Variants in MSH4 observed in about 807,000 individuals in gnomAD.
MSH4 encodes the protein mutS protein homolog 4.
MSH4 carries 106 observed loss-of-function variants against 113.7 expected under a neutral mutation model. The observed-to-expected ratio is 0.93, with a 90% CI of 0.80 to 1.10. The LOEUF is 1.10. MSH4 is among the 50% of genes least tolerant of loss of function. The pLI, the probability that MSH4 is intolerant of heterozygous loss-of-function variation, is 0.00. For missense variants in MSH4, 1,061 were observed against 1,093.7 expected (o/e 0.97, Z 0.42); for synonymous variants, 368 against 380.2 (o/e 0.97, Z 0.37).
chr1:75,805,549 A>G (rs2012536), intron 2 of MSH4, among the ~76,000 whole-genome samples: 123,405 of 149,768 alleles, frequency 0.82, 51,307 homozygotes, highest in South Asian at 0.94. Context: ...CACCATGCTC[A>G]GCCAATTTTT....
At chr1:75,818,752 G>A (rs1650344580) in intron 6 of MSH4, among the ~76,000 whole-genome samples, 1 of 151,536 alleles carries the variant, frequency 6.6e-6, no homozygotes, top group Non-Finnish European at 1.5e-5. Flanking sequence ...TGTATATTCC[G>A]TTTTTTTTGT....
chr1:75,820,000 G>C (rs761612275), intron 6 of MSH4, among the ~76,000 whole-genome samples: 1 of 152,000 alleles, frequency 6.6e-6, no homozygotes, highest in Admixed American at 6.6e-5. Context: ...ACAGGCATGC[G>C]CCACCTTGAC....
chr1:75,878,624 C>T (rs564952851), intron 11 of MSH4, among the ~76,000 whole-genome samples: 1 of 152,150 alleles, frequency 6.6e-6, no homozygotes, highest in African/African-American at 2.4e-5. Flanking sequence ...GGCAACATAG[C>T]TAGTCTTTTG....
intron 7 of MSH4, among the ~76,000 whole-genome samples, chr1:75,829,729 C>A (rs1414405999): frequency 6.6e-6 from 1 of 152,164 alleles, no homozygotes; most frequent in African/African-American, 2.4e-5. Context: ...AGGGTCCTGA[C>A]TGATAGAAGG....
intron 7 of MSH4, among the ~76,000 whole-genome samples, chr1:75,830,664 C>T (rs1424571340): frequency 6.6e-6 from 1 of 152,150 alleles, no homozygotes; most frequent in Non-Finnish European, 1.5e-5. Flanking sequence ...GAATTTTCAA[C>T]CCAGAATTTC....
intron 8 of MSH4, among the ~76,000 whole-genome samples, chr1:75,851,777 C>A (rs1223434677): frequency 6.6e-6 from 1 of 152,116 alleles, no homozygotes; most frequent in Non-Finnish European, 1.5e-5. Context: ...AGTATACCAT[C>A]ATTTCCCTCT....
chr1:75,841,404 C>G (rs1465599605), intron 7 of MSH4, among the ~76,000 whole-genome samples: 1 of 151,966 alleles, frequency 6.6e-6, no homozygotes, highest in Non-Finnish European at 1.5e-5. Flanking sequence ...TGCTCTGTTG[C>G]CCAGGCTGAA....
At chr1:75,897,400 T>C (rs1038381646) in intron 17 of MSH4, among the ~76,000 whole-genome samples, 4 of 152,120 alleles carry the variant, frequency 2.6e-5, no homozygotes, top group African/African-American at 9.7e-5. Context: ...CCAAACACAA[T>C]GAAGTCTAAA....
At chr1:75,850,537 C>T (rs752897793) in intron 8 of MSH4, among the ~76,000 whole-genome samples, 11 of 151,780 alleles carry the variant, frequency 7.2e-5, no homozygotes, top group Non-Finnish European at 1.5e-4. Flanking sequence ...AATATAGATC[C>T]TTTTAGCTTT....
intron 7 of MSH4, among the ~76,000 whole-genome samples, chr1:75,829,705 C>G (rs1353529568): frequency 1.3e-5 from 2 of 152,166 alleles, no homozygotes; most frequent in East Asian, 3.9e-4. Flanking sequence ...CAAACACCAA[C>G]AGACCTGCAG....
chr1:75,912,189 G>A (rs1424539705), intron 19 of MSH4, among the ~76,000 whole-genome samples: 1 of 152,010 alleles, frequency 6.6e-6, no homozygotes, highest in African/African-American at 2.4e-5. Context: ...CTCTTTAGGG[G>A]CAAGCAATTT....
intron 7 of MSH4, among the ~76,000 whole-genome samples, chr1:75,841,154 T>A (rs1650950313): frequency 1.1e-5 from 1 of 92,064 alleles, no homozygotes; most frequent in Non-Finnish European, 2.6e-5. Flanking sequence ...ACCAGTCATT[T>A]CCTTCCCTCC....
At chr1:75,798,304 T>C (rs1649863190) in intron 1 of MSH4, among the ~76,000 whole-genome samples, 1 of 152,154 alleles carries the variant, frequency 6.6e-6, no homozygotes, top group Non-Finnish European at 1.5e-5. Flanking sequence ...CTCTTTTAAT[T>C]TGGCTTCCTT....
At chr1:75,888,879 A>T (rs947364624) in intron 15 of MSH4, among the ~76,000 whole-genome samples, 1 of 150,408 alleles carries the variant, frequency 6.6e-6, no homozygotes, top group African/African-American at 2.4e-5. Context: ...AACTTTGTAC[A>T]GTAGGTAGGG....
chr1:75,809,595 GT>G (rs1650141482), intron 3 of MSH4, among the ~76,000 whole-genome samples: 3 of 148,610 alleles, frequency 2.0e-5, no homozygotes, highest in Non-Finnish European at 4.4e-5. Flanking sequence ...ATCTGTACCA[GT>G]GTGGCCATAC....
intron 8 of MSH4, among the ~76,000 whole-genome samples, chr1:75,863,819 G>C (rs1651510706): frequency 6.6e-6 from 1 of 151,824 alleles, no homozygotes; most frequent in Non-Finnish European, 1.5e-5. Context: ...CTACCTTCCT[G>C]TTTATTATTA....
intron 6 of MSH4, among the ~76,000 whole-genome samples, chr1:75,821,728 C>T (rs1283565086): frequency 1.3e-5 from 2 of 152,150 alleles, no homozygotes; most frequent in African/African-American, 2.4e-5. Flanking sequence ...CCCATCTCAG[C>T]CTCCTGACTA....
intron 19 of MSH4, 119 bp from the exon 20 acceptor site, chr1:75,912,577 A>G (rs1652808813): frequency 3.9e-6 from 2 of 507,990 alleles, no homozygotes; most frequent in Admixed American, 4.3e-5. Context: ...CAAAGGAATT[A>G]GTTAACCCTT....
Position 75,912,913 on chromosome 1 carries a change from C to T in MSH4, c.*26C>T. ...TCACAATTCTAATGTAATAATATAT[C>T]TTAATTCAAGGAACCTAGAATTTAT... On this transcript the variant is annotated 3_prime_UTR_variant, in exon 20 of 20. Coordinates refer to ENST00000263187, the MANE Select transcript of MSH4 (RefSeq NM_002440.4). The T allele has an allele frequency of 8.1e-6, 11 of 1,351,834 alleles. No individual in the cohort carries two copies. Among genetic ancestry groups the T allele is most frequent in the Non-Finnish European group, 9.8e-6 (10 of 1,024,300 alleles). The allele number at this position is 1,351,834 out of a possible 1,614,324, so 83.7% of individuals were successfully genotyped here. A position where few individuals can be genotyped will look rare whatever the true frequency, so the allele number is the denominator to read the frequency against.
Sources: gnomAD v4.1 joint callset for allele counts (sites outside exome capture counted in the v4.1 genomes callset) on GRCh38, gnomAD v4.1.1 for gene constraint, MANE v1.5 for transcripts, NCBI Gene and HGNC (gene_info 2026-07-23, HGNC 2026-07-21) for gene names.